The following CIMAP3 variants were observed in gnomAD, a reference collection of about 807,000 sequenced individuals.
CIMAP3 encodes the protein ciliary microtubule associated protein 3, also known as ciliary microtubule-associated protein 3.
the CIMAP3 span, chr1:111,347,621 T>TTTTTTTTTTTTTTTTTTTTGTG: frequency 2.0e-6 from 2 of 976,264 alleles, no homozygotes; most frequent in South Asian, 1.8e-5. Context: ...GTTTTTTCTT[T>TTTTTTTTTTTTTTTTTTTTGTG]CTTTTTTTTT....
the CIMAP3 span, among the ~76,000 whole-genome samples, chr1:111,330,644 T>C: frequency 6.6e-6 from 1 of 152,240 alleles, no homozygotes; most frequent in Non-Finnish European, 1.5e-5. Context: ...AGATTGTGAC[T>C]TGGCACTCCT....
At chr1:111,351,405 T>C in the CIMAP3 span, 57 of 1,251,446 alleles carry the variant, frequency 4.6e-5, no homozygotes, top group East Asian at 1.1e-3. Flanking sequence ...CTTCTTCTTC[T>C]ACGTTACTGT....
At chr1:111,342,041 T>C in the CIMAP3 span, among the ~76,000 whole-genome samples, 2 of 152,096 alleles carry the variant, frequency 1.3e-5, no homozygotes, top group South Asian at 4.1e-4. Flanking sequence ...TTCCGAAACT[T>C]GAGAACGATA....
chr1:111,341,971 G>C, the CIMAP3 span, among the ~76,000 whole-genome samples: 1 of 152,220 alleles, frequency 6.6e-6, no homozygotes, highest in South Asian at 2.1e-4. Flanking sequence ...TGGTGTTCAA[G>C]AGGGAGTCGA....
the CIMAP3 span, among the ~76,000 whole-genome samples, chr1:111,343,713 G>A: frequency 2.6e-5 from 4 of 152,280 alleles, no homozygotes; most frequent in East Asian, 1.9e-4. Flanking sequence ...TACGATGTTC[G>A]GTCTGGCTTT....
the CIMAP3 span, among the ~76,000 whole-genome samples, chr1:111,332,622 T>C: frequency 6.6e-6 from 1 of 152,094 alleles, no homozygotes; most frequent in African/African-American, 2.4e-5. Flanking sequence ...GGCATGTAGG[T>C]TCAAGGTCTA....
the CIMAP3 span, among the ~76,000 whole-genome samples, chr1:111,343,468 G>A: frequency 6.6e-6 from 1 of 152,174 alleles, no homozygotes; most frequent in Non-Finnish European, 1.5e-5. Context: ...GTGCATGATG[G>A]AAACTACTGA....
the CIMAP3 span, among the ~76,000 whole-genome samples, chr1:111,344,857 G>A: frequency 1.3e-5 from 2 of 152,106 alleles, no homozygotes; most frequent in Non-Finnish European, 2.9e-5. Context: ...TATATACAAT[G>A]GTGGCTCCCT....
chr1:111,335,589 G>A, the CIMAP3 span, among the ~76,000 whole-genome samples: 228 of 152,332 alleles, frequency 1.5e-3, 1 homozygote, highest in Non-Finnish European at 2.6e-3. Context: ...ACGGAATCTC[G>A]CTGATTGCTA....
chr1:111,337,868 T>C, the CIMAP3 span, among the ~76,000 whole-genome samples: 64,130 of 150,104 alleles, frequency 0.43, 14,211 homozygotes, highest in South Asian at 0.52. Flanking sequence ...TACAGAACTC[T>C]CCACACCAAA....
At chr1:111,335,153 AGACAG>A in the CIMAP3 span, among the ~76,000 whole-genome samples, 549 of 76,584 alleles carry the variant, frequency 7.2e-3, 20 homozygotes, top group Middle Eastern at 0.025. Flanking sequence ...AAAAAAAAAA[AGACAG>A]AAAAAAAAAG....
the CIMAP3 span, chr1:111,346,988 G>A: frequency 6.2e-7 from 1 of 1,613,978 alleles, no homozygotes. Context: ...AATTTGATTG[G>A]GAACAAGTTT....
At chr1:111,342,984 A>G in the CIMAP3 span, among the ~76,000 whole-genome samples, 1 of 152,174 alleles carries the variant, frequency 6.6e-6, no homozygotes, top group African/African-American at 2.4e-5. Flanking sequence ...TTGGTTTTCT[A>G]GAGAAGGCAA....
chr1:111,351,243 C>T, the CIMAP3 span: 5,162 of 1,487,552 alleles, frequency 3.5e-3, 122 homozygotes, highest in African/African-American at 0.057. Flanking sequence ...ATCTAGAAAA[C>T]GTTCTTTCAT....
At chr1:111,329,728 A>G in the CIMAP3 span, among the ~76,000 whole-genome samples, 1 of 151,234 alleles carries the variant, frequency 6.6e-6, no homozygotes, top group Non-Finnish European at 1.5e-5. Flanking sequence ...CTAATTTTGT[A>G]TTTTTAGTAG....
the CIMAP3 span, among the ~76,000 whole-genome samples, chr1:111,329,251 T>A: frequency 1.3e-5 from 2 of 152,072 alleles, no homozygotes; most frequent in Admixed American, 1.3e-4. Context: ...GTAGGTGACC[T>A]GACCTTTCTC....
chr1:111,348,283 C>T, the CIMAP3 span: 5 of 330,650 alleles, frequency 1.5e-5, no homozygotes, highest in Admixed American at 2.2e-4. Flanking sequence ...TGGTTCTCTA[C>T]CCATCCTAGA....
At chr1:111,346,854 C>A in the CIMAP3 span, 2 of 1,597,606 alleles carry the variant, frequency 1.3e-6, no homozygotes, top group Non-Finnish European at 1.7e-6. Context: ...TCCCGGAACG[C>A]GCTCACGTAG....
chr1:111,343,283 A>G, the CIMAP3 span, among the ~76,000 whole-genome samples: 2 of 152,220 alleles, frequency 1.3e-5, no homozygotes, highest in Admixed American at 6.5e-5. Flanking sequence ...TATACAAAAA[A>G]TTGAATCTAC....
Sources: gnomAD v4.1 joint callset for allele counts (sites outside exome capture counted in the v4.1 genomes callset) on GRCh38, gnomAD v4.1.1 for gene constraint, MANE v1.5 for transcripts, NCBI Gene and HGNC (gene_info 2026-07-23, HGNC 2026-07-21) for gene names.